Variants in SGIP1 observed in about 807,000 individuals in gnomAD.
SGIP1 encodes SH3-containing GRB2-like protein 3-interacting protein 1.
Under a neutral mutation model 107.5 loss-of-function variants are expected in SGIP1, and 38 were observed. The ratio of observed to expected loss-of-function variants is 0.35; its 90% CI spans 0.27 to 0.46. SGIP1 has a LOEUF of 0.46. Ranked by LOEUF, SGIP1 falls within the 20% of genes least tolerant of loss-of-function variation. The pLI is 1.00. For missense variants in SGIP1, 929 were observed against 1,019.5 expected, an observed-to-expected ratio of 0.91 and a Z score of 1.21; for synonymous variants, 365 against 366.1, an observed-to-expected ratio of 1.00 and a Z score of 0.03.
chr1:66,647,818 G>T (rs781124749), intron 7 of SGIP1, among the ~76,000 whole-genome samples: 1 of 152,140 alleles, frequency 6.6e-6, no homozygotes, highest in African/African-American at 2.4e-5. Context: ...TGAAAGAAAA[G>T]TCTTCCTTTT....
chr1:66,667,344 T>C (rs573576318), intron 8 of SGIP1, among the ~76,000 whole-genome samples, 186 bp from the exon 9 acceptor site: 1 of 152,344 alleles, frequency 6.6e-6, no homozygotes, highest in East Asian at 1.9e-4. Flanking sequence ...CTCTTTAAGG[T>C]TCTCCAAAGC....
intron 1 of SGIP1, among the ~76,000 whole-genome samples, chr1:66,604,908 T>A (rs1476265131): frequency 6.6e-6 from 1 of 152,212 alleles, no homozygotes; most frequent in Non-Finnish European, 1.5e-5. Context: ...ATCCACTATT[T>A]TTCTACTTCT....
chr1:66,620,503 G>A (rs1165544652), intron 1 of SGIP1, among the ~76,000 whole-genome samples: 5 of 152,112 alleles, frequency 3.3e-5, no homozygotes, highest in Admixed American at 1.3e-4. Context: ...AGGTGAAGGG[G>A]AAGCAAGGCA....
intron 18 of SGIP1, among the ~76,000 whole-genome samples, chr1:66,695,836 T>C (rs1001146523): frequency 1.3e-5 from 2 of 152,236 alleles, no homozygotes; most frequent in African/African-American, 4.8e-5. Flanking sequence ...CTAACTCTTT[T>C]GCAAATGCAG....
intron 4 of SGIP1, among the ~76,000 whole-genome samples, chr1:66,636,748 C>A (rs1027351483): frequency 6.6e-6 from 1 of 152,140 alleles, no homozygotes; most frequent in African/African-American, 2.4e-5. Flanking sequence ...CGTCATGTAC[C>A]TTTAACACGC....
At chr1:66,735,303 C>T (rs545153409) in intron 21 of SGIP1, among the ~76,000 whole-genome samples, 1 of 152,208 alleles carries the variant, frequency 6.6e-6, no homozygotes, top group African/African-American at 2.4e-5. Context: ...GCAACATCCA[C>T]ATCCTGGGTT....
At chr1:66,609,675 G>A (rs2067548483) in intron 1 of SGIP1, among the ~76,000 whole-genome samples, 1 of 152,156 alleles carries the variant, frequency 6.6e-6, no homozygotes, top group Admixed American at 6.5e-5. Flanking sequence ...TAGATGACTA[G>A]CAACTCAACA....
At chr1:66,670,865 T>A in intron 9 of SGIP1, 130 bp from the exon 10 acceptor site, 1 of 439,012 alleles carries the variant, frequency 2.3e-6, no homozygotes, top group African/African-American at 2.0e-5. Flanking sequence ...TTAAATGCGG[T>A]TCTGAGAAAA....
At chr1:66,741,491 C>T in intron 24 of SGIP1, 55 bp downstream of exon 24, 4 of 1,474,062 alleles carry the variant, frequency 2.7e-6, no homozygotes, top group Non-Finnish European at 2.7e-6. Context: ...CTTGGCTACT[C>T]TTAAGAGGAA....
intron 1 of SGIP1, among the ~76,000 whole-genome samples, chr1:66,536,765 T>G (rs2053705820): frequency 6.8e-6 from 1 of 147,502 alleles, no homozygotes; most frequent in East Asian, 2.2e-4. Flanking sequence ...TGAACTAGTG[T>G]GTCTCACACA....
chr1:66,717,616 C>G (rs2093317833), intron 18 of SGIP1, among the ~76,000 whole-genome samples: 1 of 152,138 alleles, frequency 6.6e-6, no homozygotes, highest in South Asian at 2.1e-4. Flanking sequence ...CCACTTGGTA[C>G]TATAATTGCC....
At chr1:66,574,118 A>T (rs115236292) in intron 1 of SGIP1, among the ~76,000 whole-genome samples, 2 of 152,108 alleles carry the variant, frequency 1.3e-5, no homozygotes, top group Non-Finnish European at 2.9e-5. Flanking sequence ...CCACGCAGTC[A>T]TTCAGAAACC....
chr1:66,672,222 T>G (rs539990053), intron 11 of SGIP1, among the ~76,000 whole-genome samples: 11 of 152,318 alleles, frequency 7.2e-5, no homozygotes, highest in African/African-American at 2.6e-4. Context: ...AGTAACTGTC[T>G]ATCAGAATGT....
chr1:66,587,241 G>A (rs1485132838), intron 1 of SGIP1, among the ~76,000 whole-genome samples: 1 of 151,940 alleles, frequency 6.6e-6, no homozygotes, highest in East Asian at 1.9e-4. Context: ...GACAAATGTA[G>A]AAAATTTTAA....
chr1:66,586,421 T>C (rs1391819910), intron 1 of SGIP1, among the ~76,000 whole-genome samples: 1 of 152,166 alleles, frequency 6.6e-6, no homozygotes, highest in East Asian at 1.9e-4. Context: ...CCTGCCTTCC[T>C]GAAGGTTACT....
chr1:66,715,250 A>G (rs1014181513), intron 18 of SGIP1, among the ~76,000 whole-genome samples: 7 of 152,198 alleles, frequency 4.6e-5, no homozygotes, highest in Non-Finnish European at 1.0e-4. Context: ...AGCAATAAGG[A>G]ATATTGTAAG....
chr1:66,737,310 A>G (rs190340959), intron 21 of SGIP1, among the ~76,000 whole-genome samples: 1 of 152,186 alleles, frequency 6.6e-6, no homozygotes, highest in Non-Finnish European at 1.5e-5. Flanking sequence ...TAAATCCTAT[A>G]GAGTTTTTTT....
chr1:66,729,517 T>G, intron 20 of SGIP1, 98 bp downstream of exon 20: 2 of 1,400,886 alleles, frequency 1.4e-6, no homozygotes, highest in South Asian at 2.7e-5. Flanking sequence ...CGCACTATAG[T>G]GAAATTACCA....
intron 1 of SGIP1, among the ~76,000 whole-genome samples, chr1:66,539,981 T>A (rs2148023712): frequency 6.6e-6 from 1 of 152,354 alleles, no homozygotes; most frequent in South Asian, 2.1e-4. Flanking sequence ...TCCTTAGCTC[T>A]TGGCACACTA....
Sources: allele counts gnomAD v4.1 joint callset (sites outside exome capture counted in the v4.1 genomes callset), GRCh38; gene constraint gnomAD v4.1.1; transcripts MANE v1.5; gene names NCBI Gene and HGNC (gene_info 2026-07-23, HGNC 2026-07-21).